The following PCDHA1 variants were observed in gnomAD, a reference collection of about 807,000 sequenced individuals.
PCDHA1 encodes protocadherin alpha 1.
A neutral mutation model predicts 61.3 loss-of-function variants in PCDHA1; 42 were observed. The ratio of observed to expected loss-of-function variants is 0.69; its 90% CI spans 0.54 to 0.89. The LOEUF (loss-of-function observed/expected upper bound fraction) is 0.89, where lower values mean the gene tolerates loss of function less well. PCDHA1 is among the 40% of genes least tolerant of loss of function. The pLI, the probability that PCDHA1 is intolerant of heterozygous loss-of-function variation, is 0.00. For missense variants in PCDHA1, 1,256 were observed against 1,235.3 expected (o/e 1.02, Z -0.25); for synonymous variants, 610 against 553.8 (o/e 1.10, Z -1.43).
chr5:140,968,091 C>T lies in PCDHA1; in HGVS notation c.2395-10858C>T, dbSNP rs782079016. 1.4e-5 allele frequency: 22 copies of T among 1,614,128 alleles called. No individual in the cohort carries two copies. Among genetic ancestry groups the T allele is most frequent in the Non-Finnish European group, 1.9e-5 (22 of 1,180,016 alleles). On this transcript the variant is annotated intron_variant, in intron 1 of 3. Coordinates refer to ENST00000504120, the MANE Select transcript of PCDHA1 (RefSeq NM_018900.4). ...GTCTACAACATCACGGTGACAGCCA[C>T]AGATGGGGGAATACCGCAGCTCACA...
chr5:140,787,170 A>G lies in PCDHA1; in HGVS notation c.880A>G (p.Lys294Glu). 6.2e-7 allele frequency: 1 copy of G among 1,613,782 alleles called. No individual in the cohort carries two copies. The highest frequency in any genetic ancestry group is 8.5e-7 in the Non-Finnish European group (1 of 1,179,868). ...GISRDIQEKFKVDSSSGEIRL... is the reference protein window; with the variant it reads ...GISRDIQEKFEVDSSSGEIRL... ...TTCTCGTGACATTCAAGAAAAATTC[A>G]AAGTTGATTCCAGCTCAGGAGAAAT... Residue 294 changes from lysine (K) to glutamate (E), a missense_variant, in exon 1 of 4, where the codon AAA becomes GAA. By Grantham distance (56) the Lys-to-Glu change is moderately conservative. Coordinates refer to ENST00000504120, the MANE Select transcript of PCDHA1 (RefSeq NM_018900.4).
At chr5:140,808,922 G>A (rs782455168) in intron 1 of PCDHA1, 35 of 1,613,564 alleles carry the variant, frequency 2.2e-5, no homozygotes, top group Middle Eastern at 1.6e-4. Flanking sequence ...CGCAGTGAGC[G>A]AGCTGGTGCC....
chr5:140,967,049 A>G (rs782123539), intron 1 of PCDHA1: 12 of 1,612,528 alleles, frequency 7.4e-6, no homozygotes, highest in Non-Finnish European at 9.3e-6. Flanking sequence ...GCTGGACCTG[A>G]CGAGTGGAGC....
intron 1 of PCDHA1, among the ~76,000 whole-genome samples, chr5:140,964,252 T>C (rs569615423): frequency 4.6e-5 from 7 of 152,332 alleles, no homozygotes; most frequent in African/African-American, 1.7e-4. Context: ...GGCTTTATAT[T>C]TGACTCCTTA....
intron 1 of PCDHA1, chr5:140,968,614 A>T: frequency 6.2e-7 from 1 of 1,614,142 alleles, no homozygotes; most frequent in Non-Finnish European, 8.5e-7. Context: ...ACTCTGGGCA[A>T]AATGCTTGGC....
chr5:140,981,845 T>C (rs184071298), intron 2 of PCDHA1, among the ~76,000 whole-genome samples: 129 of 152,310 alleles, frequency 8.5e-4, no homozygotes, highest in Middle Eastern at 3.4e-3. Flanking sequence ...TCCCAGTTTG[T>C]ATCTCACTCC....
At chr5:140,915,772 G>A (rs1282338375) in intron 1 of PCDHA1, among the ~76,000 whole-genome samples, 1 of 151,950 alleles carries the variant, frequency 6.6e-6, no homozygotes, top group East Asian at 1.9e-4. Flanking sequence ...CTTGTCCAAG[G>A]CCTGCTGTAA....
intron 1 of PCDHA1, among the ~76,000 whole-genome samples, chr5:140,846,989 C>CG (rs1310758236): frequency 2.0e-5 from 3 of 149,196 alleles, no homozygotes; most frequent in African/African-American, 7.4e-5. Context: ...AAGTTCCCCC[C>CG]GGGAGAATAT....
chr5:140,800,945 A>C (rs1554121249), intron 1 of PCDHA1: 4 of 1,049,076 alleles, frequency 3.8e-6, no homozygotes, highest in Non-Finnish European at 5.0e-6. Context: ...GAAAGTTCAA[A>C]CGACATACAA....
At chr5:140,801,287 G>A in intron 1 of PCDHA1, 1 of 1,613,556 alleles carries the variant, frequency 6.2e-7, no homozygotes, top group South Asian at 1.1e-5. Context: ...GGAGCGGCCA[G>A]CTCCACTACT....
At chr5:140,912,690 A>AG (rs2076029112) in intron 1 of PCDHA1, among the ~76,000 whole-genome samples, 1 of 152,192 alleles carries the variant, frequency 6.6e-6, no homozygotes, top group African/African-American at 2.4e-5. Flanking sequence ...TCCAGGTCTC[A>AG]GGGGGAATGC....
intron 1 of PCDHA1, chr5:140,855,742 T>C (rs1239874184): frequency 3.2e-6 from 1 of 313,712 alleles, no homozygotes; most frequent in Admixed American, 4.7e-5. Flanking sequence ...AGAGACGTAA[T>C]GTGAGGCTTT....
At chr5:140,918,940 A>G (rs541337613) in intron 1 of PCDHA1, among the ~76,000 whole-genome samples, 1 of 152,212 alleles carries the variant, frequency 6.6e-6, no homozygotes, top group Non-Finnish European at 1.5e-5. Context: ...TTTTGTTATA[A>G]TATCCTGAAC....
chr5:140,786,340 G>C lies in PCDHA1; in HGVS notation c.50G>C (p.Trp17Ser). The C allele has an allele frequency of 6.2e-7, 1 of 1,613,672 alleles. No homozygotes were observed. Among genetic ancestry groups the C allele is most frequent in the Non-Finnish European group, 8.5e-7 (1 of 1,179,848 alleles). The change falls in exon 1 of 4, where the codon TGG becomes TCG. Residue 17 changes from tryptophan to serine, a missense_variant. By Grantham distance (177) the Trp-to-Ser change is radical. Coordinates refer to ENST00000504120, the MANE Select transcript of PCDHA1 (RefSeq NM_018900.4). ...GGLGARDLLL[W>S]LLLLAAWEVG... ...CTGGGAGCCCGGGATCTGCTTCTTT[G>C]GCTTCTGCTCCTCGCAGCCTGGGAG...
At chr5:140,933,480 G>C (rs1255769578) in intron 1 of PCDHA1, among the ~76,000 whole-genome samples, 1 of 151,846 alleles carries the variant, frequency 6.6e-6, no homozygotes, top group South Asian at 2.1e-4. Flanking sequence ...ACACATTATG[G>C]TTATTCTTTA....
chr5:140,884,386 G>T (rs372595984), intron 1 of PCDHA1: 2 of 1,613,986 alleles, frequency 1.2e-6, no homozygotes, highest in African/African-American at 2.7e-5. Flanking sequence ...CCATCTGCGC[G>T]GTGTCCAGCC....
chr5:140,825,535 C>T (rs1439548778), intron 1 of PCDHA1: 1 of 151,464 alleles, frequency 6.6e-6, no homozygotes, highest in Non-Finnish European at 1.5e-5. Flanking sequence ...AGCGATTCTC[C>T]TGCCTTATCT....
intron 1 of PCDHA1, chr5:140,859,181 G>A (rs1006816858): frequency 6.7e-6 from 1 of 149,700 alleles, no homozygotes; most frequent in Admixed American, 6.7e-5. Context: ...ATCAGCATTA[G>A]GCATTGCTTA....
chr5:140,808,229 C>T (rs1764129045), intron 1 of PCDHA1: 3 of 1,614,060 alleles, frequency 1.9e-6, no homozygotes, highest in Admixed American at 1.7e-5. Context: ...CGATAATGTC[C>T]CAGATTTGGA....
Sources: gnomAD v4.1 joint callset for allele counts (sites outside exome capture counted in the v4.1 genomes callset) on GRCh38, gnomAD v4.1.1 for gene constraint, MANE v1.5 for transcripts, NCBI Gene and HGNC (gene_info 2026-07-23, HGNC 2026-07-21) for gene names.